The following UBE3C variants were observed in gnomAD, a reference collection of about 807,000 sequenced individuals.
The protein encoded by UBE3C is ubiquitin protein ligase E3C.
In UBE3C, 42 loss-of-function variants were observed where a neutral mutation model predicts 129.4. That is an observed-to-expected ratio of 0.32 (90% CI 0.25 to 0.42). UBE3C has a LOEUF of 0.42. Among genes scored for constraint, UBE3C ranks in the 10% least tolerant of loss-of-function variants. The pLI is 1.00. For synonymous variants in UBE3C, 510 were observed against 492.4 expected, an observed-to-expected ratio of 1.04 and a Z score of -0.47; for missense variants, 1,049 against 1,319.1, an observed-to-expected ratio of 0.80 and a Z score of 3.17.
intron 22 of UBE3C, among the ~76,000 whole-genome samples, chr7:157,258,230 A>G (rs1485356720): frequency 6.6e-6 from 1 of 151,978 alleles, no homozygotes; most frequent in Non-Finnish European, 1.5e-5. Flanking sequence ...GACAGGTGTG[A>G]GCCACCACAC....
intron 17 of UBE3C, among the ~76,000 whole-genome samples, chr7:157,226,752 C>T (rs941582045): frequency 2.0e-5 from 3 of 151,092 alleles, no homozygotes; most frequent in African/African-American, 7.3e-5. Context: ...TTACCGTTGC[C>T]ATTGAATCCT....
At chr7:157,160,064 A>T (rs530330939) in intron 1 of UBE3C, among the ~76,000 whole-genome samples, 2 of 151,420 alleles carry the variant, frequency 1.3e-5, no homozygotes, top group South Asian at 4.2e-4. Flanking sequence ...GTAATTCCGT[A>T]GTTACTTTTT....
At chr7:157,198,048 TC>T (rs1234452841) in intron 10 of UBE3C, 7 of 1,607,678 alleles carry the variant, frequency 4.4e-6, no homozygotes, top group Non-Finnish European at 6.0e-6. Context: ...GCACTGAAGC[TC>T]CAGGGGGATC....
chr7:157,241,509 AC>A (rs1247168180), intron 18 of UBE3C, among the ~76,000 whole-genome samples: 1 of 152,250 alleles, frequency 6.6e-6, no homozygotes, highest in Admixed American at 6.5e-5. Context: ...AAGCATAGCC[AC>A]AGGCTGCCGC....
intron 5 of UBE3C, among the ~76,000 whole-genome samples, chr7:157,176,554 C>T (rs1246285640): frequency 6.6e-6 from 1 of 152,212 alleles, no homozygotes; most frequent in Non-Finnish European, 1.5e-5. Flanking sequence ...GGATTACAGG[C>T]GTGAGCCACC....
chr7:157,193,024 G>A (rs1235671773), intron 10 of UBE3C, among the ~76,000 whole-genome samples: 7 of 152,202 alleles, frequency 4.6e-5, no homozygotes, highest in Non-Finnish European at 1.0e-4. Flanking sequence ...AGGGCTGGCT[G>A]TTTAAATTGG....
intron 1 of UBE3C, among the ~76,000 whole-genome samples, chr7:157,152,481 A>C (rs1807784259): frequency 6.6e-6 from 1 of 152,086 alleles, no homozygotes; most frequent in Non-Finnish European, 1.5e-5. Flanking sequence ...TGCAGTGGGC[A>C]TTTTCTTTTA....
intron 10 of UBE3C, chr7:157,192,871 A>C: frequency 1.1e-6 from 1 of 919,012 alleles, no homozygotes; most frequent in South Asian, 1.4e-5. Flanking sequence ...CTTAAAAAAA[A>C]AAAAAAGAAG....
At chr7:157,191,230 GCTT>G (rs1160069984) in intron 10 of UBE3C, among the ~76,000 whole-genome samples, 4 of 152,208 alleles carry the variant, frequency 2.6e-5, no homozygotes, top group South Asian at 2.1e-4. Context: ...GAAGCGCAGT[GCTT>G]CTTTTCTGTG....
At chr7:157,145,982 A>G (rs1197456032) in intron 1 of UBE3C, among the ~76,000 whole-genome samples, 3 of 152,200 alleles carry the variant, frequency 2.0e-5, no homozygotes, top group Non-Finnish European at 2.9e-5. Flanking sequence ...CTAAAAAGTC[A>G]TTACCAAAGC....
At position 157,268,878 on chromosome 7, in the gene UBE3C, G is replaced by C. The variant is rs1362651281; in HGVS notation, c.*1123G>C. ...GAAAGCGTTTCAAAGCGTCAGCTGT[G>C]GGAGCAGAGTGACCCTTTGCTGATG... is the stretch of plus-strand genomic sequence containing the variant. On this transcript the variant is annotated 3_prime_UTR_variant, in exon 23 of 23. Transcript: ENST00000348165. 4.6e-5 allele frequency: 7 copies of C among 152,682 alleles called. No homozygotes were observed. Among genetic ancestry groups the C allele is most frequent in the Non-Finnish European group, 1.0e-4 (7 of 68,060 alleles). The allele number at this position is 152,682 out of a possible 1,614,324, so 9.5% of individuals were successfully genotyped here.
At chr7:157,223,787 G>A (rs564538553) in intron 16 of UBE3C, among the ~76,000 whole-genome samples, 5 of 152,210 alleles carry the variant, frequency 3.3e-5, no homozygotes, top group East Asian at 1.9e-4. Context: ...GGGCGTGGTG[G>A]CATGTACCTG....
intron 1 of UBE3C, among the ~76,000 whole-genome samples, chr7:157,156,462 AC>A (rs1807909220): frequency 2.7e-5 from 4 of 150,872 alleles, no homozygotes; most frequent in African/African-American, 9.7e-5. Context: ...GCATGTCACC[AC>A]CCCCGGCTAA....
chr7:157,238,806 G>A lies in UBE3C; in HGVS notation c.2481+7479G>A, dbSNP rs115947862. Among the ~76,000 whole-genome samples the A allele has an allele frequency of 3.4e-3, 517 of 152,310 alleles. 2 individuals are homozygous for A. Among genetic ancestry groups the A allele is most frequent in the African/African-American group, 0.012 (483 of 41,570 alleles). On this transcript the variant is annotated intron_variant, in intron 18 of 22. Coordinates refer to ENST00000348165, the MANE Select transcript of UBE3C (RefSeq NM_014671.3). The stretch of plus-strand genomic sequence containing the variant: ...AGGGCTCTCCAAGGTTTAGAGTCCA[G>A]AGAGTAGAGAATTGACTAATAGAAG...
intron 2 of UBE3C, among the ~76,000 whole-genome samples, chr7:157,167,120 GGA>G (rs1563036545): frequency 6.6e-6 from 1 of 151,974 alleles, no homozygotes; most frequent in African/African-American, 2.4e-5. Flanking sequence ...TAGTAGAGAT[GGA>G]GTTTCACCAT....
In UBE3C at chr7:157,208,055, C is replaced by CTTTTTTTTTTTTTTTTTTTTTTTTTTT. The variant is rs35366316; in HGVS notation, c.1809+131_1809+157dup. On this transcript the variant is annotated intron_variant, in intron 13 of 22. Coordinates refer to ENST00000348165, the MANE Select transcript of UBE3C (RefSeq NM_014671.3). ...TTCAGACATGTTTTAATTTGCAAGACTTTTTTTTTTTTTTTTTTTTTTTTT... is the reference window on the plus strand; with the variant it reads ...TTCAGACATGTTTTAATTTGCAAGACTTTTTTTTTTTTTTTTTTTTTTTTTTTTTTTTTTTTTTTTTTTTTTTTTTTT... 2.2e-5 allele frequency: 2 copies of CTTTTTTTTTTTTTTTTTTTTTTTTTTT among 91,876 alleles called. 1 individual carries two copies. The highest frequency in any genetic ancestry group is 8.8e-4 in the East Asian group (2 of 2,280). 5.7% of individuals were successfully genotyped at this position (91,876 alleles called of 1,614,324 possible).
In UBE3C at chr7:157,248,556, G is replaced by A. The variant is rs1319022492; in HGVS notation, c.2670G>A (p.Val890=). 1 of 1,612,382 alleles carries A rather than the reference G, an allele frequency of 6.2e-7. No individual in the cohort carries two copies. The highest frequency in any genetic ancestry group is 8.5e-7 in the Non-Finnish European group (1 of 1,180,022). ...VEELGLNFTV[V]NNDLGEAQVV... Reference sequence around the variant, plus strand: ...AGCTTGGGCTGAACTTCACTGTGGTGAACAATGACCTGGGAGAGGCGCAGG... The same window carrying A: ...AGCTTGGGCTGAACTTCACTGTGGTAAACAATGACCTGGGAGAGGCGCAGG... Residue 890 remains valine, a synonymous_variant, in exon 19 of 23, where the codon GTG becomes GTA. Coordinates refer to ENST00000348165, the MANE Select transcript of UBE3C (RefSeq NM_014671.3).
At chr7:157,231,408 T>C in intron 18 of UBE3C, 81 bp downstream of exon 18, 1 of 1,554,212 alleles carries the variant, frequency 6.4e-7, no homozygotes, top group Non-Finnish European at 8.7e-7. Context: ...GTTATCCAGG[T>C]TTACCATAAA....
At chr7:157,150,770 A>G (rs1807735760) in intron 1 of UBE3C, among the ~76,000 whole-genome samples, 1 of 152,262 alleles carries the variant, frequency 6.6e-6, no homozygotes, top group Non-Finnish European at 1.5e-5. Context: ...CAGTAAAGAT[A>G]GCTAGTTTCC....
Sources: gnomAD v4.1 joint callset for allele counts (sites outside exome capture counted in the v4.1 genomes callset) on GRCh38, gnomAD v4.1.1 for gene constraint, MANE v1.5 for transcripts, NCBI Gene and HGNC (gene_info 2026-07-23, HGNC 2026-07-21) for gene names.